The following NAALADL2 variants were observed in gnomAD, a reference collection of about 807,000 sequenced individuals.
NAALADL2 encodes the protein inactive N-acetylated-alpha-linked acidic dipeptidase-like protein 2.
A neutral mutation model predicts 87.2 loss-of-function variants in NAALADL2; 76 were observed. The ratio of observed to expected loss-of-function variants is 0.87; its 90% CI spans 0.72 to 1.05. The LOEUF (loss-of-function observed/expected upper bound fraction) is 1.05. Ranked by LOEUF, NAALADL2 falls within the 50% of genes least tolerant of loss-of-function variation. The pLI, the probability that NAALADL2 is intolerant of heterozygous loss-of-function variation, is 0.00. For missense variants in NAALADL2, 1,089 were observed against 945.8 expected (o/e 1.15, Z -1.99); for synonymous variants, 354 against 331.0 (o/e 1.07, Z -0.75).
At chr3:175,269,488 A>G (rs1752474471) in intron 4 of NAALADL2, among the ~76,000 whole-genome samples, 3 of 152,198 alleles carry the variant, frequency 2.0e-5, no homozygotes, top group Admixed American at 6.5e-5. Context: ...GGAAAATTTC[A>G]GCTCCGTTAT....
intron 11 of NAALADL2, among the ~76,000 whole-genome samples, chr3:175,724,939 A>T (rs1243277966): frequency 6.6e-6 from 1 of 151,818 alleles, no homozygotes; most frequent in African/African-American, 2.4e-5. Flanking sequence ...TCAAAATAAT[A>T]TTGATCTATT....
At chr3:174,978,274 T>G (rs1034795816) in intron 1 of NAALADL2, among the ~76,000 whole-genome samples, 3 of 152,250 alleles carry the variant, frequency 2.0e-5, no homozygotes, top group African/African-American at 7.2e-5. Context: ...TCTTTCTTTC[T>G]CTTCAGTGTA....
intron 1 of NAALADL2, among the ~76,000 whole-genome samples, chr3:174,875,777 T>TATTA (rs756287239): frequency 3.1e-3 from 476 of 152,254 alleles, no homozygotes; most frequent in Middle Eastern, 0.014. Flanking sequence ...TTAAAAGCAG[T>TATTA]CTTAAAGTAA....
intron 3 of NAALADL2, among the ~76,000 whole-genome samples, chr3:174,787,720 A>G (rs1716983895): frequency 6.7e-6 from 1 of 149,028 alleles, no homozygotes; most frequent in South Asian, 2.1e-4. Flanking sequence ...AGTATGGAAT[A>G]AATCTTTCTG....
intron 1 of NAALADL2, among the ~76,000 whole-genome samples, chr3:174,458,330 A>G (rs1715986658): frequency 6.6e-6 from 1 of 152,120 alleles, no homozygotes; most frequent in Middle Eastern, 3.2e-3. Flanking sequence ...GATTCCTGAC[A>G]ACTTGACTCA....
intron 2 of NAALADL2, among the ~76,000 whole-genome samples, chr3:174,607,999 A>T (rs1280076478): frequency 6.6e-6 from 1 of 152,232 alleles, no homozygotes; most frequent in East Asian, 1.9e-4. Context: ...ACTAGAACTG[A>T]GGATTAAGAA....
intron 5 of NAALADL2, among the ~76,000 whole-genome samples, chr3:175,332,290 C>A (rs1295154251): frequency 6.6e-6 from 1 of 152,082 alleles, no homozygotes; most frequent in Non-Finnish European, 1.5e-5. Flanking sequence ...AAAGAAGAAA[C>A]CTGGAGACAT....
intron 11 of NAALADL2, among the ~76,000 whole-genome samples, chr3:175,658,989 G>T (rs1182056392): frequency 1.3e-5 from 2 of 152,196 alleles, no homozygotes; most frequent in South Asian, 2.1e-4. Context: ...ACATGCTAAG[G>T]CTAAAGAGTG....
chr3:174,829,091 T>C (rs1304408551), intron 3 of NAALADL2, among the ~76,000 whole-genome samples: 1 of 145,868 alleles, frequency 6.9e-6, no homozygotes, highest in Non-Finnish European at 1.5e-5. Flanking sequence ...ATTACATCTG[T>C]TTTTTTTTGT....
intron 3 of NAALADL2, among the ~76,000 whole-genome samples, chr3:174,833,167 T>C (rs1002873318): frequency 6.6e-6 from 1 of 152,208 alleles, no homozygotes; most frequent in Non-Finnish European, 1.5e-5. Context: ...TTTCTGTATG[T>C]ACTTTTAAAT....
chr3:175,671,218 A>G (rs1002369230), intron 11 of NAALADL2, among the ~76,000 whole-genome samples: 3 of 151,938 alleles, frequency 2.0e-5, no homozygotes, highest in African/African-American at 4.8e-5. Flanking sequence ...TATGTATTCT[A>G]TAAGTTTCTG....
intron 2 of NAALADL2, among the ~76,000 whole-genome samples, chr3:175,133,046 G>C (rs1230068268): frequency 2.0e-5 from 3 of 151,196 alleles, no homozygotes; most frequent in Non-Finnish European, 1.5e-5. Flanking sequence ...CATCCCAGAC[G>C]GGGCGGCGGG....
intron 3 of NAALADL2, among the ~76,000 whole-genome samples, chr3:174,846,827 C>T (rs1278730176): frequency 2.6e-5 from 4 of 151,944 alleles, no homozygotes; most frequent in African/African-American, 9.7e-5. Flanking sequence ...CGTATGTGAG[C>T]ATGGAACTGG....
At chr3:174,682,540 A>G (rs1727647106) in intron 2 of NAALADL2, among the ~76,000 whole-genome samples, 1 of 152,200 alleles carries the variant, frequency 6.6e-6, no homozygotes, top group African/African-American at 2.4e-5. Context: ...CCCCAACTCC[A>G]GGCATCTCAG....
chr3:175,546,948 G>T (rs989248591), intron 9 of NAALADL2, among the ~76,000 whole-genome samples: 3 of 152,104 alleles, frequency 2.0e-5, no homozygotes, highest in African/African-American at 7.2e-5. Context: ...AGAAATACAT[G>T]CTGATGGATA....
intron 1 of NAALADL2, among the ~76,000 whole-genome samples, chr3:175,048,261 A>G (rs1754919979): frequency 6.6e-6 from 1 of 152,222 alleles, no homozygotes; most frequent in Admixed American, 6.5e-5. Context: ...TAGAGTTAAA[A>G]TCAAATTGGC....
At position 175,370,969 on chromosome 3, in the gene NAALADL2, G is replaced by A. The variant is rs147345444; in HGVS notation, c.1090+46644G>A. 3.5e-3 allele frequency among the ~76,000 whole-genome samples: 527 copies of A among 152,180 alleles called. 5 individuals are homozygous for A. Among genetic ancestry groups the A allele is most frequent in the African/African-American group, 0.012 (480 of 41,528 alleles). On this transcript the variant is annotated intron_variant, in intron 5 of 13. Transcript: ENST00000454872. ...CCTGAATGTCATAACATTATGTTCA[G>A]AATCATTGAAATGTCTGACAACACT... is the stretch of plus-strand genomic sequence containing the variant.
chr3:174,765,173 A>G (rs1347771115), intron 3 of NAALADL2, among the ~76,000 whole-genome samples: 1 of 147,570 alleles, frequency 6.8e-6, no homozygotes, highest in Admixed American at 6.7e-5. Context: ...AGAGAGAGAC[A>G]GAGAGAACAA....
chr3:175,343,655 G>GTGTTTTTTTTTTTTTTTTTT (rs1762797675), intron 5 of NAALADL2, among the ~76,000 whole-genome samples: 1 of 64,726 alleles, frequency 1.5e-5, no homozygotes, highest in Non-Finnish European at 3.3e-5. Flanking sequence ...TCTTGATCAT[G>GTGTTTTTTTTTTTTTTTTTT]TTTTTTTTTT....
Sources: allele counts gnomAD v4.1 joint callset (sites outside exome capture counted in the v4.1 genomes callset), GRCh38; gene constraint gnomAD v4.1.1; transcripts MANE v1.5; gene names NCBI Gene and HGNC (gene_info 2026-07-23, HGNC 2026-07-21).